The following ANK2 variants were observed in gnomAD, a reference collection of about 807,000 sequenced individuals.
ANK2 encodes ankyrin-2.
A neutral mutation model predicts 360.5 loss-of-function variants in ANK2; 83 were observed. The observed-to-expected ratio is 0.23, with a 90% CI of 0.19 to 0.28. ANK2 has a LOEUF of 0.28. Ranked by LOEUF, ANK2 falls within the 10% of genes least tolerant of loss-of-function variation. The pLI, the probability that ANK2 is intolerant of heterozygous loss-of-function variation, is 1.00. For synonymous variants in ANK2, 1,740 were observed against 1,759.5 expected, an observed-to-expected ratio of 0.99 and a Z score of 0.28; for missense variants, 4,201 against 4,795.7, an observed-to-expected ratio of 0.88 and a Z score of 3.66.
chr4:113,329,334 T>C (rs1013169061), intron 26 of ANK2, among the ~76,000 whole-genome samples: 5 of 152,216 alleles, frequency 3.3e-5, no homozygotes, highest in African/African-American at 1.2e-4. Flanking sequence ...GTTCTCTTGG[T>C]ACACTTAAAG....
chr4:112,715,366 A>G, the ANK2 span, among the ~76,000 whole-genome samples: 1 of 152,182 alleles, frequency 6.6e-6, no homozygotes, highest in Non-Finnish European at 1.5e-5. Context: ...ACATCCCACT[A>G]TTCCATGGGA....
chr4:112,849,945 C>G (rs2064259228), intron 1 of ANK2, among the ~76,000 whole-genome samples: 1 of 152,124 alleles, frequency 6.6e-6, no homozygotes, highest in Non-Finnish European at 1.5e-5. Flanking sequence ...TGGTGAGGAC[C>G]TGAATAGAAC....
chr4:113,280,073 AT>A (rs879290468), intron 17 of ANK2, among the ~76,000 whole-genome samples: 199 of 149,650 alleles, frequency 1.3e-3, no homozygotes, highest in Non-Finnish European at 2.4e-3. Context: ...ACATACCAGC[AT>A]TTTTTTTTTC....
rs29356 is a variant in ANK2, at chr4:113,288,576, T to C, written c.2277+90T>C. 0.13 allele frequency: 149,032 copies of C among 1,111,008 alleles called. 10,721 individuals carry two copies. The highest frequency in any genetic ancestry group is 0.23 in the African/African-American group (14,435 of 64,146). 68.8% of individuals were successfully genotyped at this position (1,111,008 alleles called of 1,614,324 possible). A position where few individuals can be genotyped will look rare whatever the true frequency, so the allele number is the denominator to read the frequency against. ...CTAGTTTACCAAAGCTACAAGTGTATTTTTTTCTTCCTTTTTAGTTCTAAA... is the reference window on the plus strand; with the variant it reads ...CTAGTTTACCAAAGCTACAAGTGTACTTTTTTCTTCCTTTTTAGTTCTAAA... On this transcript the variant is annotated intron_variant, in intron 20 of 45. Transcript: ENST00000357077.
intron 14 of ANK2, among the ~76,000 whole-genome samples, chr4:113,267,669 G>A (rs552711910): frequency 4.6e-5 from 7 of 152,280 alleles, no homozygotes; most frequent in South Asian, 2.1e-4. Flanking sequence ...AGTATAGTTC[G>A]AAGTCAGGTA....
chr4:112,830,844 C>G (rs1164610707), intron 1 of ANK2, among the ~76,000 whole-genome samples: 3 of 152,194 alleles, frequency 2.0e-5, no homozygotes, highest in East Asian at 1.9e-4. Flanking sequence ...GTGCATGGCA[C>G]TCGCAGGCCA....
chr4:112,712,612 T>C, the ANK2 span, among the ~76,000 whole-genome samples: 2 of 151,314 alleles, frequency 1.3e-5, no homozygotes, highest in South Asian at 4.2e-4. Flanking sequence ...TTTCACCGTG[T>C]TAGCCAGGAT....
Position 113,373,095 on chromosome 4 carries a change from C to G in ANK2, c.11616C>G (p.Asp3872Glu). The part of the protein sequence containing the change: ...LDEDAAFEKG[D>E]DMPEIPPETV... ...CTTTTCTCTCAACTGTTTAGGGAGA[C>G]GATATGCCTGAAATACCCCCAGAAA... The change falls in exon 44 of 46, where the codon GAC becomes GAG. Residue 3872 changes from aspartate (D) to glutamate (E), a missense_variant. Physicochemically the swap from Asp to Glu is conservative, Grantham distance 45. Transcript: ENST00000357077. The G allele has an allele frequency of 1.2e-6, 2 of 1,613,780 alleles. No homozygotes were observed. The highest frequency in any genetic ancestry group is 1.3e-5 in the African/African-American group (1 of 75,000).
chr4:113,049,761 C>T lies in ANK2; in HGVS notation c.33C>T (p.Asp11=), dbSNP rs2066071736. ...ACGAAGATGCAGCTCAGAAAAGCGACAGTGGAGAGAAGTTCAACGGCAGTA... is the reference window on the plus strand; with the variant it reads ...ACGAAGATGCAGCTCAGAAAAGCGATAGTGGAGAGAAGTTCAACGGCAGTA... MMNEDAAQKS[D]SGEKFNGSSQ... is the part of the protein sequence containing the mutation. The change falls in exon 1 of 46, where the codon GAC becomes GAT. Residue 11 remains aspartate (D), a synonymous_variant. Transcript: ENST00000357077. 1 of 1,613,540 alleles carries T rather than the reference C, an allele frequency of 6.2e-7. No individual in the cohort carries two copies. The highest frequency in any genetic ancestry group is 1.1e-5 in the South Asian group (1 of 91,064).
At chr4:113,305,431 G>A (rs1468354874) in intron 23 of ANK2, among the ~76,000 whole-genome samples, 1 of 150,530 alleles carries the variant, frequency 6.6e-6, no homozygotes, top group African/African-American at 2.4e-5. Context: ...TATTAAAAAT[G>A]TTATATATTA....
chr4:112,733,946 T>C, the ANK2 span, among the ~76,000 whole-genome samples: 1 of 152,174 alleles, frequency 6.6e-6, no homozygotes, highest in African/African-American at 2.4e-5. Flanking sequence ...GGCTAATTTT[T>C]GTATTTTTAG....
intron 2 of ANK2, chr4:113,031,484 G>C (rs904026243): frequency 6.6e-6 from 1 of 151,898 alleles, no homozygotes; most frequent in Non-Finnish European, 1.5e-5. Flanking sequence ...TTCTTCCTAA[G>C]GGATAGAGGC....
intron 14 of ANK2, among the ~76,000 whole-genome samples, chr4:113,269,168 T>C (rs1322375660): frequency 6.6e-6 from 1 of 152,202 alleles, no homozygotes; most frequent in Non-Finnish European, 1.5e-5. Flanking sequence ...ACTGCTGTGC[T>C]GGCAGCGAGA....
chr4:112,953,815 T>C (rs2095182644), intron 2 of ANK2, among the ~76,000 whole-genome samples: 1 of 152,172 alleles, frequency 6.6e-6, no homozygotes, highest in Admixed American at 6.5e-5. Context: ...ATCTCATATA[T>C]GGTGAAAATA....
chr4:112,855,062 A>G (rs1242400028), intron 1 of ANK2, among the ~76,000 whole-genome samples: 1 of 152,212 alleles, frequency 6.6e-6, no homozygotes, highest in African/African-American at 2.4e-5. Flanking sequence ...CTTTCTCTCG[A>G]TGTAGACCTT....
intron 4 of ANK2, among the ~76,000 whole-genome samples, chr4:113,204,068 A>C (rs752147697): frequency 2.0e-5 from 3 of 152,030 alleles, no homozygotes; most frequent in Non-Finnish European, 4.4e-5. Context: ...TTTCCCCCTT[A>C]TTATTTTCTC....
chr4:113,168,080 G>A (rs1415146623), intron 1 of ANK2, among the ~76,000 whole-genome samples: 2 of 152,174 alleles, frequency 1.3e-5, no homozygotes, highest in Non-Finnish European at 2.9e-5. Flanking sequence ...TTGGTATGCT[G>A]TAGGTGGTTC....
At chr4:112,748,402 C>T in the ANK2 span, among the ~76,000 whole-genome samples, 3 of 152,186 alleles carry the variant, frequency 2.0e-5, no homozygotes, top group Admixed American at 6.5e-5. Context: ...AGAACATCCT[C>T]ATAACAAGCC....
intron 1 of ANK2, among the ~76,000 whole-genome samples, chr4:112,864,148 C>T (rs980653630): frequency 2.0e-5 from 3 of 152,026 alleles, no homozygotes; most frequent in Non-Finnish European, 4.4e-5. Context: ...CAAAATAACA[C>T]GGAAAGACCA....
Sources: allele counts gnomAD v4.1 joint callset (sites outside exome capture counted in the v4.1 genomes callset), GRCh38; gene constraint gnomAD v4.1.1; transcripts MANE v1.5; gene names NCBI Gene and HGNC (gene_info 2026-07-23, HGNC 2026-07-21).